The following HIPK2 variants were observed in gnomAD, a reference collection of about 807,000 sequenced individuals.
The protein encoded by HIPK2 is homeodomain-interacting protein kinase 2.
A neutral mutation model predicts 113.7 loss-of-function variants in HIPK2; 27 were observed. That is an observed-to-expected ratio of 0.24 (90% CI 0.17 to 0.33). The LOEUF (loss-of-function observed/expected upper bound fraction) is 0.33, where lower values mean the gene tolerates loss of function less well. Among genes scored for constraint, HIPK2 ranks in the 10% least tolerant of loss-of-function variants. The pLI is 1.00. For synonymous variants in HIPK2, 631 were observed against 642.2 expected (o/e 0.98, Z 0.26); for missense variants, 1,257 against 1,588.0 (o/e 0.79, Z 3.54).
At chr7:139,756,192 T>C (rs571774482) in intron 1 of HIPK2, among the ~76,000 whole-genome samples, 1 of 152,318 alleles carries the variant, frequency 6.6e-6, no homozygotes, top group Admixed American at 6.5e-5. Context: ...AAATCCAATA[T>C]TGTCAATCTC....
At chr7:139,734,840 T>C (rs188837125) in intron 1 of HIPK2, among the ~76,000 whole-genome samples, 1 of 152,300 alleles carries the variant, frequency 6.6e-6, no homozygotes, top group African/African-American at 2.4e-5. Context: ...ATTTCCCTCA[T>C]AGGAGTGTTA....
intron 2 of HIPK2, among the ~76,000 whole-genome samples, chr7:139,697,034 T>C (rs1349927829): frequency 6.6e-6 from 1 of 152,192 alleles, no homozygotes; most frequent in East Asian, 1.9e-4. Flanking sequence ...TTACCATCTC[T>C]AAAGCCAACT....
chr7:139,698,188 G>A (rs1375591632), intron 2 of HIPK2, among the ~76,000 whole-genome samples: 1 of 152,142 alleles, frequency 6.6e-6, no homozygotes, highest in Non-Finnish European at 1.5e-5. Context: ...TTTCTATGCT[G>A]GGTATTTCAT....
intron 2 of HIPK2, among the ~76,000 whole-genome samples, chr7:139,691,000 G>C (rs1420237005): frequency 6.6e-6 from 1 of 152,242 alleles, no homozygotes; most frequent in South Asian, 2.1e-4. Flanking sequence ...CTCACCTTTA[G>C]CATCTGGCCG....
At chr7:139,745,017 G>A (rs1796166842) in intron 1 of HIPK2, among the ~76,000 whole-genome samples, 1 of 152,200 alleles carries the variant, frequency 6.6e-6, no homozygotes, top group Admixed American at 6.5e-5. Context: ...TCCAACCAAA[G>A]CAGCAAGGCT....
chr7:139,775,438 C>T (rs1398258127), intron 1 of HIPK2, among the ~76,000 whole-genome samples: 1 of 152,118 alleles, frequency 6.6e-6, no homozygotes, highest in East Asian at 1.9e-4. Flanking sequence ...GGGCTTTTGG[C>T]AGACTGATGT....
At chr7:139,746,591 CCT>C (rs773801935) in intron 1 of HIPK2, among the ~76,000 whole-genome samples, 9 of 152,144 alleles carry the variant, frequency 5.9e-5, no homozygotes, top group South Asian at 4.1e-4. Context: ...ATTGATGTCC[CCT>C]GAGTCCCCAA....
At chr7:139,719,184 A>G (rs868762887) in intron 1 of HIPK2, among the ~76,000 whole-genome samples, 1 of 151,686 alleles carries the variant, frequency 6.6e-6, no homozygotes, top group African/African-American at 2.4e-5. Flanking sequence ...TGTCGCCCAG[A>G]CTGGAGTGCA....
In HIPK2 at chr7:139,716,516, G is replaced by A. The variant is rs779303109; in HGVS notation, c.519C>T (p.Ser173=). 3.8e-5 allele frequency: 62 copies of A among 1,614,022 alleles called. No individual in the cohort carries two copies. The highest frequency in any genetic ancestry group is 1.5e-4 in the Admixed American group (9 of 60,030). The change falls in exon 2 of 15, where the codon TCC becomes TCT. Residue 173 remains serine (S), a synonymous_variant. Coordinates refer to ENST00000406875, the MANE Select transcript of HIPK2 (RefSeq NM_022740.5). The surrounding 1 kb of genome is among the most constrained non-coding windows in gnomAD (Gnocchi z 9.3). ...VATATTSTAT[S]KNSGSNSEGD... is the part of the protein sequence containing the mutation. ...CCTCGCTGTTGGAGCCGCTGTTTTT[G>A]GAGGTGGCAGTAGACGTGGTGGCAG...
At chr7:139,608,383 T>C (rs1222694840) in intron 9 of HIPK2, among the ~76,000 whole-genome samples, 2 of 148,450 alleles carry the variant, frequency 1.3e-5, no homozygotes, top group Non-Finnish European at 1.5e-5. Flanking sequence ...TATATACATA[T>C]ATAATGTAAC....
At chr7:139,644,242 T>C (rs779740069) in intron 2 of HIPK2, among the ~76,000 whole-genome samples, 3 of 152,186 alleles carry the variant, frequency 2.0e-5, no homozygotes, top group Non-Finnish European at 4.4e-5. Context: ...TAACAACTTA[T>C]TGGAAAACAA....
At chr7:139,635,278 T>G (rs547933702) in intron 2 of HIPK2, among the ~76,000 whole-genome samples, 1 of 152,320 alleles carries the variant, frequency 6.6e-6, no homozygotes, top group African/African-American at 2.4e-5. Context: ...TGTTTGACAC[T>G]CAAGTAAGTC....
intron 2 of HIPK2, among the ~76,000 whole-genome samples, chr7:139,703,438 G>A (rs1179129083): frequency 6.6e-6 from 1 of 152,056 alleles, no homozygotes; most frequent in Non-Finnish European, 1.5e-5. Context: ...ACAAAAAGAG[G>A]AGGACGAGAA....
At chr7:139,688,226 C>CG (rs1794288876) in intron 2 of HIPK2, among the ~76,000 whole-genome samples, 1 of 152,220 alleles carries the variant, frequency 6.6e-6, no homozygotes. Context: ...TTCGTGACCA[C>CG]GTGAATCTGG....
rs1046032329 is a variant in HIPK2 at position 139,562,436 on chromosome 7, C to T, written c.*10491G>A. 2.0e-5 allele frequency: 3 copies of T among 152,232 alleles called. No homozygotes were observed. The highest frequency in any genetic ancestry group is 4.4e-5 in the Non-Finnish European group (3 of 68,048). The allele number at this position is 152,232 out of a possible 1,614,324, so 9.4% of individuals were successfully genotyped here. ...GGAGTGAGTCTTTCTATCCAGTGTC[C>T]TGAATTCATGAGCAGTTGAAAGGTA... On this transcript the variant is annotated 3_prime_UTR_variant, in exon 15 of 15. Transcript: ENST00000406875.
At chr7:139,762,579 A>T (rs1419216735) in intron 1 of HIPK2, among the ~76,000 whole-genome samples, 1 of 152,088 alleles carries the variant, frequency 6.6e-6, no homozygotes, top group African/African-American at 2.4e-5. Context: ...CCATTTACAA[A>T]CTCACCTATC....
intron 2 of HIPK2, among the ~76,000 whole-genome samples, chr7:139,689,966 G>A (rs1794348693): frequency 6.6e-6 from 1 of 151,538 alleles, no homozygotes; most frequent in Admixed American, 6.6e-5. Context: ...CACAGTGAGA[G>A]CTCACGCAGG....
intron 1 of HIPK2, among the ~76,000 whole-genome samples, chr7:139,768,618 T>C (rs1374191059): frequency 1.3e-5 from 2 of 152,200 alleles, no homozygotes; most frequent in Non-Finnish European, 2.9e-5. Context: ...GAGGGCACTG[T>C]GGCCTTGCTT....
intron 10 of HIPK2, among the ~76,000 whole-genome samples, chr7:139,602,909 T>C (rs1440398725): frequency 6.6e-6 from 1 of 152,188 alleles, no homozygotes; most frequent in Non-Finnish European, 1.5e-5. Context: ...AAAGGTTAAC[T>C]TGCCCCAGGT....
Sources: allele counts gnomAD v4.1 joint callset (sites outside exome capture counted in the v4.1 genomes callset), GRCh38; gene constraint gnomAD v4.1.1; non-coding constraint Gnocchi (gnomAD v3.1); transcripts MANE v1.5; gene names NCBI Gene and HGNC (gene_info 2026-07-23, HGNC 2026-07-21).